CALN1: variants seen among roughly 807,000 people sequenced by gnomAD.
The protein encoded by CALN1 is calneuron 1, also known as calcium-binding protein 8.
CALN1 carries 17 observed loss-of-function variants against 30.6 expected under a neutral mutation model. The observed-to-expected ratio is 0.56, with a 90% CI of 0.38 to 0.83. CALN1 has a LOEUF of 0.83. Among genes scored for constraint, CALN1 ranks in the 40% least tolerant of loss-of-function variants. The pLI, the probability that CALN1 is intolerant of heterozygous loss-of-function variation, is 0.00. For missense variants in CALN1, 291 were observed against 354.9 expected (o/e 0.82, Z 1.45); for synonymous variants, 156 against 131.4 (o/e 1.19, Z -1.28).
At chr7:72,360,517 G>GCAA (rs1803507753) in intron 2 of CALN1, among the ~76,000 whole-genome samples, 1 of 151,490 alleles carries the variant, frequency 6.6e-6, no homozygotes, top group South Asian at 2.1e-4. Flanking sequence ...AGCCAAACTG[G>GCAA]CAACATTGGA....
chr7:72,415,206 C>T (rs1270735762), upstream of CALN1, among the ~76,000 whole-genome samples: 1 of 152,228 alleles, frequency 6.6e-6, no homozygotes, highest in African/African-American at 2.4e-5. Context: ...GTTATGGCAG[C>T]CTGAGCAGAC....
chr7:72,405,840 A>G (rs1806659807), intron 1 of CALN1, among the ~76,000 whole-genome samples: 1 of 152,152 alleles, frequency 6.6e-6, no homozygotes, highest in Non-Finnish European at 1.5e-5. Flanking sequence ...AGCTCCCCAT[A>G]TGCAAAAACT....
At chr7:72,162,058 T>A (rs1408207915) in intron 3 of CALN1, among the ~76,000 whole-genome samples, 1 of 151,270 alleles carries the variant, frequency 6.6e-6, no homozygotes, top group Admixed American at 6.6e-5. Context: ...CTTCTAGAAG[T>A]TTTCAACAAC....
At chr7:71,983,387 G>C (rs1364750209) in intron 5 of CALN1, among the ~76,000 whole-genome samples, 3 of 152,082 alleles carry the variant, frequency 2.0e-5, no homozygotes, top group Non-Finnish European at 4.4e-5. Flanking sequence ...CAATGATATA[G>C]AAAACACAAA....
intron 4 of CALN1, among the ~76,000 whole-genome samples, chr7:72,104,488 A>T (rs566104938): frequency 7.9e-5 from 12 of 152,236 alleles, no homozygotes; most frequent in Admixed American, 1.3e-4. Flanking sequence ...TGCTGCACAG[A>T]TCAACCCATC....
intron 3 of CALN1, among the ~76,000 whole-genome samples, chr7:72,225,089 G>A (rs1313975928): frequency 4.0e-5 from 6 of 150,190 alleles, no homozygotes; most frequent in African/African-American, 1.2e-4. Flanking sequence ...GTGACACAGC[G>A]AGACTCCATC....
intron 5 of CALN1, among the ~76,000 whole-genome samples, chr7:71,985,058 T>C (rs1392034529): frequency 6.6e-6 from 1 of 152,070 alleles, no homozygotes; most frequent in African/African-American, 2.4e-5. Flanking sequence ...AGTTACTCCA[T>C]GTAAGAGTAC....
At chr7:72,487,974 G>GGAAA in the CALN1 span, among the ~76,000 whole-genome samples, 1 of 144,272 alleles carries the variant, frequency 6.9e-6, no homozygotes, top group Admixed American at 6.9e-5. Context: ...AAGGAAGGAA[G>GGAAA]GAAGGAAGGA....
intron 3 of CALN1, among the ~76,000 whole-genome samples, chr7:72,238,188 G>A (rs111490270): frequency 2.6e-5 from 4 of 152,142 alleles, no homozygotes; most frequent in African/African-American, 4.8e-5. Context: ...ATTCACAAAA[G>A]GAAATCAGTA....
At chr7:72,027,725 A>AC (rs1801157388) in intron 4 of CALN1, among the ~76,000 whole-genome samples, 14 of 81,498 alleles carry the variant, frequency 1.7e-4, no homozygotes, top group Middle Eastern at 5.4e-3. Flanking sequence ...ACAAACAAAC[A>AC]AACACACACA....
At chr7:72,280,254 C>T (rs943475505) in intron 2 of CALN1, among the ~76,000 whole-genome samples, 3 of 152,212 alleles carry the variant, frequency 2.0e-5, no homozygotes, top group African/African-American at 7.2e-5. Flanking sequence ...CTCCCAAATG[C>T]TCGGGGCCCC....
intron 2 of CALN1, among the ~76,000 whole-genome samples, chr7:72,324,559 AATTTATTT>A (rs10562818): frequency 0.33 from 42,664 of 129,338 alleles, 7,492 homozygotes; most frequent in Middle Eastern, 0.52. Context: ...TAAATGATGT[AATTTATTT>A]ATTTATTTAT....
At chr7:72,354,280 A>G (rs1803100363) in intron 2 of CALN1, among the ~76,000 whole-genome samples, 1 of 152,220 alleles carries the variant, frequency 6.6e-6, no homozygotes, top group African/African-American at 2.4e-5. Context: ...TAAAAACCTC[A>G]AAACATTGCT....
chr7:72,359,976 C>CAAAAA (rs750054515), intron 2 of CALN1, among the ~76,000 whole-genome samples: 1 of 63,954 alleles, frequency 1.6e-5, no homozygotes, highest in African/African-American at 8.6e-5. Context: ...GACTCCATCT[C>CAAAAA]AAAAAAAAAA....
chr7:71,987,541 G>A (rs1025955297), intron 5 of CALN1, among the ~76,000 whole-genome samples: 1 of 152,242 alleles, frequency 6.6e-6, no homozygotes, highest in African/African-American at 2.4e-5. Context: ...GGAGGTGCGA[G>A]GACATGTGTT....
intron 1 of CALN1, among the ~76,000 whole-genome samples, chr7:72,428,337 G>A (rs998451619): frequency 1.3e-5 from 2 of 151,898 alleles, no homozygotes; most frequent in African/African-American, 4.8e-5. Flanking sequence ...AAAGGGAGGC[G>A]ATTTTTGGAA....
chr7:71,964,244 A>C (rs1797414952), intron 5 of CALN1, among the ~76,000 whole-genome samples: 1 of 152,154 alleles, frequency 6.6e-6, no homozygotes, highest in African/African-American at 2.4e-5. Flanking sequence ...CAAACTCCTA[A>C]GGAAGCATGC....
chr7:71,970,798 T>C (rs942055402), intron 5 of CALN1, among the ~76,000 whole-genome samples: 1 of 152,136 alleles, frequency 6.6e-6, no homozygotes, highest in African/African-American at 2.4e-5. Context: ...CCCAGCGTTT[T>C]CCTATTTGAC....
At chr7:71,926,655 C>T (rs975217448) in intron 5 of CALN1, among the ~76,000 whole-genome samples, 1 of 152,032 alleles carries the variant, frequency 6.6e-6, no homozygotes, top group East Asian at 1.9e-4. Flanking sequence ...GATATTAGCC[C>T]GTTGATCTTG....
Sources: gnomAD v4.1 joint callset for allele counts (sites outside exome capture counted in the v4.1 genomes callset) on GRCh38, gnomAD v4.1.1 for gene constraint, MANE v1.5 for transcripts, NCBI Gene and HGNC (gene_info 2026-07-23, HGNC 2026-07-21) for gene names.